Variants in MYO3A observed in about 807,000 individuals in gnomAD.
MYO3A encodes myosin-IIIa.
Under a neutral mutation model 192.7 loss-of-function variants are expected in MYO3A, and 180 were observed. The ratio of observed to expected loss-of-function variants is 0.93; its 90% confidence interval spans 0.83 to 1.06. The LOEUF (loss-of-function observed/expected upper bound fraction) is 1.06. MYO3A is among the 50% of genes least tolerant of loss of function. MYO3A has a pLI of 0.00. For missense variants in MYO3A, 1,896 were observed against 1,905.0 expected (o/e 1.00, Z 0.09); for synonymous variants, 628 against 645.3 (o/e 0.97, Z 0.41).
chr10:26,019,099 C>T (rs530378172), intron 7 of MYO3A, among the ~76,000 whole-genome samples: 4 of 151,940 alleles, frequency 2.6e-5, no homozygotes, highest in Admixed American at 2.6e-4. Context: ...GTTTTTGCTC[C>T]CCCTCAAAGA....
intron 4 of MYO3A, among the ~76,000 whole-genome samples, chr10:25,955,464 C>T (rs2130587921): frequency 6.6e-6 from 1 of 152,116 alleles, no homozygotes; most frequent in African/African-American, 2.4e-5. Flanking sequence ...AGCTACAGAA[C>T]CAGATATTTA....
chr10:26,075,592 TA>T (rs541824943), intron 14 of MYO3A, among the ~76,000 whole-genome samples: 239 of 134,356 alleles, frequency 1.8e-3, no homozygotes, highest in African/African-American at 6.2e-3. Context: ...ATATATATGA[TA>T]TATATATGTC....
chr10:26,116,158 C>T (rs776110399), intron 17 of MYO3A, among the ~76,000 whole-genome samples: 5 of 152,106 alleles, frequency 3.3e-5, no homozygotes, highest in African/African-American at 7.2e-5. Context: ...GTAGCTTAAA[C>T]CACAGAAGTT....
chr10:25,979,011 A>G (rs1839135132), intron 4 of MYO3A, among the ~76,000 whole-genome samples: 1 of 152,062 alleles, frequency 6.6e-6, no homozygotes. Flanking sequence ...GTTTGCTTAG[A>G]TCTGTAAAAT....
chr10:25,964,345 C>T (rs1460089444), intron 4 of MYO3A, among the ~76,000 whole-genome samples: 1 of 151,936 alleles, frequency 6.6e-6, no homozygotes, highest in African/African-American at 2.4e-5. Context: ...AGGTGGTAGT[C>T]CCAGTTTTTA....
At chr10:26,039,082 C>T (rs1316295192) in intron 10 of MYO3A, among the ~76,000 whole-genome samples, 1 of 151,826 alleles carries the variant, frequency 6.6e-6, no homozygotes, top group Non-Finnish European at 1.5e-5. Context: ...CTCTTGTTGC[C>T]CAGGCTGGAG....
chr10:26,170,807 C>T (rs185503852), intron 29 of MYO3A, among the ~76,000 whole-genome samples: 102 of 152,328 alleles, frequency 6.7e-4, no homozygotes, highest in African/African-American at 2.4e-3. Context: ...GTCCTCCAAT[C>T]CCCACATTTA....
At chr10:26,210,129 GGGAGGGAA>G (rs1217319610) in intron 34 of MYO3A, among the ~76,000 whole-genome samples, 68 of 137,288 alleles carry the variant, frequency 5.0e-4, no homozygotes, top group African/African-American at 1.9e-3. Flanking sequence ...GAGGGAGGGA[GGGAGGGAA>G]GGAAGGAAGG....
intron 17 of MYO3A, among the ~76,000 whole-genome samples, chr10:26,116,055 T>C (rs1246236782): frequency 2.0e-5 from 3 of 152,222 alleles, no homozygotes; most frequent in Admixed American, 6.5e-5. Flanking sequence ...ATAAACACAC[T>C]GATTCTTCCA....
chr10:26,111,715 T>C (rs10828952), intron 17 of MYO3A, among the ~76,000 whole-genome samples: 97,291 of 152,106 alleles, frequency 0.64, 31,768 homozygotes, highest in Middle Eastern at 0.74. Flanking sequence ...TTCCTCAATC[T>C]TTGGTCATAA....
intron 14 of MYO3A, among the ~76,000 whole-genome samples, chr10:26,070,848 T>TTGTAA (rs1835160143): frequency 6.6e-6 from 1 of 151,450 alleles, no homozygotes; most frequent in South Asian, 2.1e-4. Flanking sequence ...GATCTAAATA[T>TTGTAA]TATATGTGCA....
intron 17 of MYO3A, among the ~76,000 whole-genome samples, chr10:26,099,806 G>A (rs7099653): frequency 0.014 from 2,196 of 152,180 alleles, 47 homozygotes; most frequent in African/African-American, 0.05. Context: ...TGCTGGATTC[G>A]GTTTGCCAGT....
chr10:25,982,436 A>G (rs1839392544), intron 4 of MYO3A, among the ~76,000 whole-genome samples: 1 of 152,168 alleles, frequency 6.6e-6, no homozygotes, highest in African/African-American at 2.4e-5. Context: ...TGCTCTCTAT[A>G]GGACTGCAGC....
intron 20 of MYO3A, among the ~76,000 whole-genome samples, chr10:26,139,219 C>T (rs999170757): frequency 2.0e-5 from 3 of 152,034 alleles, no homozygotes; most frequent in African/African-American, 7.2e-5. Context: ...ACAATTTCCC[C>T]CATCAAAAAT....
chr10:26,059,621 T>C (rs1488007727), intron 10 of MYO3A, among the ~76,000 whole-genome samples: 1 of 152,242 alleles, frequency 6.6e-6, no homozygotes, highest in Non-Finnish European at 1.5e-5. Context: ...CAAAATGGAA[T>C]TAATTTTCCC....
chr10:26,108,458 A>G (rs190355222), intron 17 of MYO3A, among the ~76,000 whole-genome samples: 139 of 152,370 alleles, frequency 9.1e-4, no homozygotes, highest in African/African-American at 3.2e-3. Context: ...AACAATATAT[A>G]AAGTGTAGAA....
At chr10:26,028,034 A>T (rs1564473474) in intron 10 of MYO3A, among the ~76,000 whole-genome samples, 2 of 152,216 alleles carry the variant, frequency 1.3e-5, no homozygotes, top group Non-Finnish European at 2.9e-5. Flanking sequence ...AGGGAGTTGG[A>T]AGAAGTGAAT....
At position 26,193,296 on chromosome 10, in the gene MYO3A, C is replaced by T. The variant is rs139504940; in HGVS notation, c.4530C>T (p.Tyr1510=). The T allele has an allele frequency of 2.4e-4, 380 of 1,612,246 alleles. 7 individuals carry two copies. The East Asian group carries it at 8.3e-3, about 35-fold the overall frequency. Reference sequence around the variant, plus strand: ...TAAATAACCCTGAAGACTCCACATACTATTATCTACTTCATGTAAGTGGCT... The same window carrying T: ...TAAATAACCCTGAAGACTCCACATATTATTATCTACTTCATGTAAGTGGCT... ...KTLNNPEDST[Y]YYLLHKSIQE... The change falls in exon 32 of 35, where the codon TAC becomes TAT. Residue 1510 remains tyrosine, a synonymous_variant. Transcript: ENST00000642920.
intron 26 of MYO3A, among the ~76,000 whole-genome samples, chr10:26,158,789 C>T (rs543321598): frequency 1.2e-4 from 18 of 152,028 alleles, no homozygotes; most frequent in South Asian, 6.2e-4. Flanking sequence ...AGGTGAAACC[C>T]AGTATTTGAG....
Sources: allele counts gnomAD v4.1 joint callset (sites outside exome capture counted in the v4.1 genomes callset), GRCh38; gene constraint gnomAD v4.1.1; transcripts MANE v1.5; gene names NCBI Gene and HGNC (gene_info 2026-07-23, HGNC 2026-07-21).